The following SMCO3 variants were observed in gnomAD, a reference collection of about 807,000 sequenced individuals.
SMCO3 encodes the protein single-pass membrane and coiled-coil domain-containing protein 3.
In SMCO3, 6 loss-of-function variants were observed where a neutral mutation model predicts 12.0. That is an observed-to-expected ratio of 0.50 (90% CI 0.27 to 0.99). The LOEUF (loss-of-function observed/expected upper bound fraction) is 0.99. SMCO3 is among the 50% of genes least tolerant of loss of function. The probability of loss-of-function intolerance (pLI) is 0.11; values close to 1 mark genes in which losing one functional copy is unlikely to be tolerated. For synonymous variants in SMCO3, 96 were observed against 96.4 expected, an observed-to-expected ratio of 1.00 and a Z score of 0.02; for missense variants, 279 against 265.0, an observed-to-expected ratio of 1.05 and a Z score of -0.37.
chr12:14,806,305 A>G lies in SMCO3; in HGVS notation c.376T>C (p.Ser126Pro), dbSNP rs1459793970. The G allele has an allele frequency of 3.7e-6, 6 of 1,614,218 alleles. No individual in the cohort carries two copies. The highest frequency in any genetic ancestry group is 5.1e-6 in the Non-Finnish European group (6 of 1,180,032). ...TTAACAGCGACTGCACTGGCTGCAG[A>G]TGTAGCTTCTCCCAGGATGACCGAA... ...VISVILGEAT[S>P]AASAVAVKLV... Residue 126 changes from serine (S) to proline (P), a missense_variant, in exon 2 of 2, where the codon TCT (serine) becomes CCT (proline). Transcript: ENST00000316048.
intron 1 of SMCO3, among the ~76,000 whole-genome samples, chr12:14,810,674 G>A (rs1434061326): frequency 6.6e-6 from 1 of 152,114 alleles, no homozygotes; most frequent in Non-Finnish European, 1.5e-5. Flanking sequence ...TGGCACTGTG[G>A]CCATGTGGAG....
At chr12:14,808,151 C>T (rs1033770865) in intron 1 of SMCO3, among the ~76,000 whole-genome samples, 2 of 149,472 alleles carry the variant, frequency 1.3e-5, no homozygotes, top group Admixed American at 6.8e-5. Context: ...GGCAACAGAG[C>T]GAGACTTTGT....
At position 14,806,525 on chromosome 12, in the gene SMCO3, G is replaced by T. The variant is rs1261424186; in HGVS notation, c.156C>A (p.Ala52=). Residue 52 remains alanine, a synonymous_variant, in exon 2 of 2, where the codon GCC becomes GCA. Coordinates refer to ENST00000316048, the MANE Select transcript of SMCO3 (RefSeq NM_001013698.2). The stretch of plus-strand genomic sequence containing the variant: ...TCCCATCTCTTTTCATCTCAATGGA[G>T]GCCAGCCTGCACCCCAAGTGCATAT... ...VLNMHLGCRL[A]SIEMKRDGTI... is the part of the protein sequence containing the mutation. The T allele has an allele frequency of 6.2e-7, 1 of 1,614,066 alleles. No individual in the cohort carries two copies. Among genetic ancestry groups the T allele is most frequent in the East Asian group, 2.2e-5 (1 of 44,864 alleles).
At chr12:14,808,491 C>T (rs1950088202) in intron 1 of SMCO3, among the ~76,000 whole-genome samples, 3 of 151,944 alleles carry the variant, frequency 2.0e-5, no homozygotes, top group Non-Finnish European at 2.9e-5. Context: ...TAATTTGGAC[C>T]GTATGTCTTC....
intron 1 of SMCO3, 51 bp downstream of exon 1, chr12:14,814,075 T>A (rs1295712308): frequency 3.3e-5 from 5 of 152,192 alleles, no homozygotes; most frequent in Non-Finnish European, 7.3e-5. Flanking sequence ...CTCCTACTAC[T>A]GAGAAACAGA....
Position 14,805,816 on chromosome 12 carries a change from T to C in SMCO3, c.*187A>G, listed in dbSNP as rs1950038664. 1 of 656,804 alleles carries C rather than the reference T, an allele frequency of 1.5e-6. No homozygotes were observed. Among genetic ancestry groups the C allele is most frequent in the African/African-American group, 1.8e-5 (1 of 54,792 alleles). The allele number at this position is 656,804 out of a possible 1,614,324, so 40.7% of individuals were successfully genotyped here. The stretch of plus-strand genomic sequence containing the variant: ...CCTCACAGGGTCTAGCATCAGCTGA[T>C]CCAGGCATTGTTGACTCAAAACTCA... On this transcript the variant is annotated 3_prime_UTR_variant, in exon 2 of 2. Transcript: ENST00000316048.
intron 1 of SMCO3, among the ~76,000 whole-genome samples, chr12:14,812,674 G>A (rs914501819): frequency 1.3e-5 from 2 of 151,800 alleles, no homozygotes; most frequent in African/African-American, 2.4e-5. Context: ...GATATGTATC[G>A]TAAATTGCAT....
At chr12:14,808,915 C>T (rs1270925683) in intron 1 of SMCO3, among the ~76,000 whole-genome samples, 1 of 152,190 alleles carries the variant, frequency 6.6e-6, no homozygotes, top group Non-Finnish European at 1.5e-5. Context: ...TCTAAACTTA[C>T]AATGGGTTGG....
In SMCO3 at chr12:14,805,899, A is replaced by T; in HGVS notation, c.*104T>A. ...CCTCTCCAAATTGTTTATCTTATTT[A>T]AGTCCATATTGGAAGCCTATAGAAA... On this transcript the variant is annotated 3_prime_UTR_variant, in exon 2 of 2. Coordinates refer to ENST00000316048, the MANE Select transcript of SMCO3 (RefSeq NM_001013698.2). 8.7e-7 allele frequency: 1 copy of T among 1,147,012 alleles called. No homozygotes were observed. The highest frequency in any genetic ancestry group is 1.2e-6 in the Non-Finnish European group (1 of 805,026). The allele number at this position is 1,147,012 out of a possible 1,614,324, so 71.1% of individuals were successfully genotyped here.
intron 1 of SMCO3, among the ~76,000 whole-genome samples, chr12:14,812,021 A>G (rs989369470): frequency 1.3e-5 from 2 of 152,244 alleles, no homozygotes; most frequent in East Asian, 1.9e-4. Flanking sequence ...TAAACCTACC[A>G]TTTCACTTTT....
intron 1 of SMCO3, 130 bp from the exon 2 acceptor site, chr12:14,806,826 A>G (rs1950059695): frequency 1.9e-5 from 16 of 847,106 alleles, no homozygotes; most frequent in South Asian, 7.4e-5. Flanking sequence ...ATAATTCCTC[A>G]GAACACTCAA....
Position 14,806,508 on chromosome 12 carries a change from CTT to C in SMCO3, c.171_172del (p.Asp59TrpfsTer8), listed in dbSNP as rs776568427. 5.6e-6 allele frequency: 9 copies of C among 1,614,014 alleles called. No homozygotes were observed. The highest frequency in any genetic ancestry group is 5.9e-6 in the Non-Finnish European group (7 of 1,180,028). On this transcript the variant is annotated frameshift_variant, in exon 2 of 2. Coordinates refer to ENST00000316048, the MANE Select transcript of SMCO3 (RefSeq NM_001013698.2). LOFTEE classifies it high-confidence loss of function. ...ACAGTTTTCTTTGATGGTCCCATCTCTTTTCATCTCAATGGAGGCCAGCCTGC... is the reference window on the plus strand; with the variant it reads ...ACAGTTTTCTTTGATGGTCCCATCTCTTCATCTCAATGGAGGCCAGCCTGC...
chr12:14,812,037 T>C (rs1249124086), intron 1 of SMCO3, among the ~76,000 whole-genome samples: 1 of 152,254 alleles, frequency 6.6e-6, no homozygotes. Context: ...CTTTTGATTT[T>C]TGTTATTCTT....
Position 14,806,485 on chromosome 12 carries a change from A to G in SMCO3, c.196T>C (p.Cys66Arg), listed in dbSNP as rs774739394. ...MKRDGTIKEN[C>R]DLIIQAIMKI... is the part of the protein sequence containing the mutation. ...ATAATGGCTTGGATGATGAGGTCACAGTTTTCTTTGATGGTCCCATCTCTT... is the reference window on the plus strand; with the variant it reads ...ATAATGGCTTGGATGATGAGGTCACGGTTTTCTTTGATGGTCCCATCTCTT... The change falls in exon 2 of 2, where the codon TGT becomes CGT. Residue 66 changes from cysteine (C) to arginine (R), a missense_variant. Transcript: ENST00000316048. 6.2e-7 allele frequency: 1 copy of G among 1,613,996 alleles called. No individual in the cohort carries two copies. The highest frequency in any genetic ancestry group is 1.3e-5 in the African/African-American group (1 of 74,894).
rs147022441 is a variant in SMCO3 at position 14,805,092 on chromosome 12, G to A, written c.*911C>T. ...ATTAGTGAAATGGCCCACCTAATGC[G>A]TCATGTAGCAAAGGCAGCTGCCTCC... On this transcript the variant is annotated 3_prime_UTR_variant, in exon 2 of 2. Transcript: ENST00000316048. The A allele has an allele frequency of 3.4e-4, 51 of 151,486 alleles. No homozygotes were observed. The highest frequency in any genetic ancestry group is 1.2e-3 in the African/African-American group (48 of 41,160). 9.4% of individuals were successfully genotyped at this position (151,486 alleles called of 1,614,324 possible).
chr12:14,808,894 A>T (rs1055351429), intron 1 of SMCO3, among the ~76,000 whole-genome samples: 2 of 152,232 alleles, frequency 1.3e-5, no homozygotes, highest in Non-Finnish European at 2.9e-5. Flanking sequence ...TTGATGATCC[A>T]GTAAATATTC....
intron 1 of SMCO3, among the ~76,000 whole-genome samples, chr12:14,806,936 A>G (rs926915376): frequency 6.6e-6 from 1 of 152,118 alleles, no homozygotes; most frequent in Non-Finnish European, 1.5e-5. Flanking sequence ...GGCTCTAGCA[A>G]TTCTCCTGCC....
intron 1 of SMCO3, among the ~76,000 whole-genome samples, chr12:14,813,667 A>C (rs1327234523): frequency 6.6e-6 from 1 of 152,206 alleles, no homozygotes; most frequent in African/African-American, 2.4e-5. Context: ...AGATATTTAG[A>C]TACAACATAA....
At chr12:14,812,075 A>C (rs1950148232) in intron 1 of SMCO3, among the ~76,000 whole-genome samples, 1 of 152,246 alleles carries the variant, frequency 6.6e-6, no homozygotes, top group African/African-American at 2.4e-5. Flanking sequence ...ATGCATAAGT[A>C]TCTTCACAAA....
Sources: gnomAD v4.1 joint callset for allele counts (sites outside exome capture counted in the v4.1 genomes callset) on GRCh38, gnomAD v4.1.1 for gene constraint, MANE v1.5 for transcripts, NCBI Gene and HGNC (gene_info 2026-07-23, HGNC 2026-07-21) for gene names.